CDC42BPA: variants seen among roughly 807,000 people sequenced by gnomAD.
CDC42BPA encodes the protein CDC42 binding protein kinase alpha.
Under a neutral mutation model 223.5 loss-of-function variants are expected in CDC42BPA, and 80 were observed. The observed-to-expected ratio is 0.36, with a 90% CI of 0.30 to 0.43. The LOEUF is 0.43. CDC42BPA is among the 20% of genes least tolerant of loss of function. The pLI is 1.00. For synonymous variants in CDC42BPA, 694 were observed against 718.6 expected, an observed-to-expected ratio of 0.97 and a Z score of 0.55; for missense variants, 1,743 against 2,099.9, an observed-to-expected ratio of 0.83 and a Z score of 3.32.
intron 11 of CDC42BPA, among the ~76,000 whole-genome samples, chr1:227,126,849 TC>T (rs1231093358): frequency 6.6e-6 from 1 of 152,150 alleles, no homozygotes; most frequent in African/African-American, 2.4e-5. Context: ...TGAATGCTTT[TC>T]CCCAAGATTA....
rs1315464165 is a variant in CDC42BPA, at chr1:227,213,206, T to A, written c.284A>T (p.Lys95Ile). 6.6e-7 allele frequency: 1 copy of A among 1,512,874 alleles called. No individual in the cohort carries two copies. Among genetic ancestry groups the A allele is most frequent in the African/African-American group, 1.4e-5 (1 of 72,598 alleles). The allele number at this position is 1,512,874 out of a possible 1,614,324, so 93.7% of individuals were successfully genotyped here. A position where few individuals can be genotyped will look rare whatever the true frequency, so the allele number is the denominator to read the frequency against. Residue 95 changes from lysine to isoleucine, a missense_variant, in exon 3 of 37, where the codon AAA becomes ATA. By Grantham distance (102) the Lys-to-Ile change is moderately radical. Transcript: ENST00000366766. The stretch of plus-strand genomic sequence containing the variant: ...AAACACTTTATCTGCATTTTTTAGT[T>A]TTACTACAGCAACCTAGAAAAGATA... The part of the protein sequence containing the change: ...RGAFGEVAVV[K>I]LKNADKVFAM...
At chr1:227,214,005 T>A (rs560569028) in intron 2 of CDC42BPA, among the ~76,000 whole-genome samples, 3 of 152,132 alleles carry the variant, frequency 2.0e-5, no homozygotes, top group Non-Finnish European at 1.5e-5. Context: ...TTCCAGGCCA[T>A]TGGACTTGCC....
chr1:227,000,744 T>C (rs889606294), intron 35 of CDC42BPA, among the ~76,000 whole-genome samples: 6 of 152,098 alleles, frequency 3.9e-5, no homozygotes, highest in Admixed American at 6.5e-5. Context: ...ATTTCCAGTA[T>C]GTTTTTTTCA....
chr1:227,115,644 G>A (rs1175916107), intron 12 of CDC42BPA, among the ~76,000 whole-genome samples: 1 of 151,992 alleles, frequency 6.6e-6, no homozygotes, highest in African/African-American at 2.4e-5. Flanking sequence ...AACAGGCTAC[G>A]CCATGAAGCA....
chr1:227,015,689 G>GAAA (rs61010035), intron 34 of CDC42BPA, among the ~76,000 whole-genome samples: 1 of 150,544 alleles, frequency 6.6e-6, no homozygotes, highest in Admixed American at 6.6e-5. Context: ...TGGGAAGAAG[G>GAAA]AAAAAAAAAG....
intron 14 of CDC42BPA, among the ~76,000 whole-genome samples, chr1:227,102,268 C>A (rs1296950415): frequency 6.6e-6 from 1 of 152,074 alleles, no homozygotes; most frequent in Admixed American, 6.6e-5. Flanking sequence ...AGAGAAATAG[C>A]CCTGGCGTGT....
Position 226,990,452 on chromosome 1 carries a change from A to G in CDC42BPA, c.*3816T>C, listed in dbSNP as rs1337859465. On this transcript the variant is annotated 3_prime_UTR_variant, in exon 37 of 37. Transcript: ENST00000366766. ...TTTTAAAATGGGCTCCATGAAATGC[A>G]GCTCATCTAGTTCAGGGCTGGGCCA... 6.6e-6 allele frequency: 1 copy of G among 152,270 alleles called. No individual in the cohort carries two copies. The allele number at this position is 152,270 out of a possible 1,614,324, so 9.4% of individuals were successfully genotyped here. A position where few individuals can be genotyped will look rare whatever the true frequency, so the allele number is the denominator to read the frequency against.
In CDC42BPA at chr1:227,058,518, C is replaced by A. The variant is rs147121000; in HGVS notation, c.2905-6533G>T. 1.7e-3 allele frequency among the ~76,000 whole-genome samples: 262 copies of A among 152,302 alleles called. 1 individual carries two copies. The highest frequency in any genetic ancestry group is 6.8e-3 in the Middle Eastern group (2 of 294). On this transcript the variant is annotated intron_variant, in intron 21 of 36. Transcript: ENST00000366766. ...TCACTGACTTTCCTTTTGAATGTTA[C>A]TATTTTACATAGTATATGAAAATCC...
At chr1:227,085,266 C>A (rs912509347) in intron 16 of CDC42BPA, among the ~76,000 whole-genome samples, 12 of 152,178 alleles carry the variant, frequency 7.9e-5, no homozygotes, top group African/African-American at 2.9e-4. Context: ...CAACCATGTT[C>A]TAAGTCAAGG....
At chr1:227,295,465 T>TA (rs74308426) in intron 1 of CDC42BPA, among the ~76,000 whole-genome samples, 46,560 of 151,572 alleles carry the variant, frequency 0.31, 7,315 homozygotes, top group East Asian at 0.37. Flanking sequence ...AGCATGAAAT[T>TA]AAAAAAAATT....
intron 14 of CDC42BPA, among the ~76,000 whole-genome samples, chr1:227,110,103 G>A (rs576004698): frequency 2.0e-5 from 3 of 152,050 alleles, no homozygotes; most frequent in Non-Finnish European, 2.9e-5. Context: ...GTATCTGTTA[G>A]GTCTAGTTGG....
At chr1:227,305,544 C>T (rs1163994446) in intron 1 of CDC42BPA, among the ~76,000 whole-genome samples, 2 of 152,206 alleles carry the variant, frequency 1.3e-5, no homozygotes, top group Non-Finnish European at 2.9e-5. Flanking sequence ...CCTCTCATAC[C>T]TTTAGATGTC....
chr1:227,207,035 C>G (rs12738228), intron 3 of CDC42BPA, among the ~76,000 whole-genome samples: 2 of 143,704 alleles, frequency 1.4e-5, no homozygotes, highest in South Asian at 2.3e-4. Flanking sequence ...CACCCATTAA[C>G]TCGTCATTTA....
intron 4 of CDC42BPA, among the ~76,000 whole-genome samples, chr1:227,195,660 C>G (rs1437986317): frequency 6.6e-6 from 1 of 151,604 alleles, no homozygotes; most frequent in Non-Finnish European, 1.5e-5. Context: ...ATACTTATAT[C>G]TGTTCCTAAT....
intron 21 of CDC42BPA, among the ~76,000 whole-genome samples, chr1:227,055,657 A>AT (rs1423608832): frequency 6.6e-6 from 1 of 152,068 alleles, no homozygotes; most frequent in Admixed American, 6.5e-5. Flanking sequence ...TCTTTTTGTC[A>AT]TTTTTTATGT....
chr1:227,099,117 A>G (rs1281702422), intron 15 of CDC42BPA, among the ~76,000 whole-genome samples: 1 of 152,200 alleles, frequency 6.6e-6, no homozygotes, highest in Non-Finnish European at 1.5e-5. Context: ...TGCTGTCGGC[A>G]GTATAAAAGT....
At chr1:226,996,642 T>C (rs1466995427) in intron 35 of CDC42BPA, among the ~76,000 whole-genome samples, 2 of 152,250 alleles carry the variant, frequency 1.3e-5, no homozygotes, top group African/African-American at 4.8e-5. Context: ...GTTCCATCAA[T>C]ACCTAGTTTA....
At chr1:227,205,959 G>T (rs1672651339) in intron 3 of CDC42BPA, among the ~76,000 whole-genome samples, 1 of 152,098 alleles carries the variant, frequency 6.6e-6, no homozygotes, top group African/African-American at 2.4e-5. Context: ...AAGGTGGGAG[G>T]ATCCCTTGAG....
intron 23 of CDC42BPA, among the ~76,000 whole-genome samples, chr1:227,044,310 T>C (rs1671962390): frequency 6.6e-6 from 1 of 152,204 alleles, no homozygotes; most frequent in African/African-American, 2.4e-5. Context: ...TAACAATGCT[T>C]TCACTGTAAA....
Sources: gnomAD v4.1 joint callset for allele counts (sites outside exome capture counted in the v4.1 genomes callset) on GRCh38, gnomAD v4.1.1 for gene constraint, MANE v1.5 for transcripts, NCBI Gene and HGNC (gene_info 2026-07-23, HGNC 2026-07-21) for gene names.